HS2ST1: variants seen among roughly 807,000 people sequenced by gnomAD.
The protein encoded by HS2ST1 is 2-O-sulfotransferase.
Under a neutral mutation model 42.9 loss-of-function variants are expected in HS2ST1, and 18 were observed. The observed-to-expected ratio is 0.42, with a 90% CI of 0.29 to 0.62. HS2ST1 has a LOEUF of 0.62. HS2ST1 is among the 20% of genes least tolerant of loss of function. The pLI is 0.21. For missense variants in HS2ST1, 334 were observed against 433.8 expected (o/e 0.77, Z 2.04); for synonymous variants, 146 against 152.9 (o/e 0.95, Z 0.33).
At chr1:86,986,035 G>A (rs902755810) in intron 1 of HS2ST1, among the ~76,000 whole-genome samples, 1 of 113,318 alleles carries the variant, frequency 8.8e-6, no homozygotes, top group Non-Finnish European at 1.8e-5. Flanking sequence ...AATGAGCTTG[G>A]CCTCTTTTTT....
intron 1 of HS2ST1, among the ~76,000 whole-genome samples, chr1:87,053,919 T>C (rs1650895889): frequency 4.4e-5 from 1 of 22,984 alleles, no homozygotes; most frequent in Non-Finnish European, 1.0e-4. Flanking sequence ...TAAAATTCTC[T>C]TTTTTTTAAC....
chr1:86,997,153 C>G (rs1208629611), intron 1 of HS2ST1, among the ~76,000 whole-genome samples: 1 of 152,166 alleles, frequency 6.6e-6, no homozygotes, highest in Admixed American at 6.5e-5. Flanking sequence ...AGGAGTTTTA[C>G]ATGGCTAAGG....
chr1:86,924,851 C>G (rs1446472570), intron 1 of HS2ST1, among the ~76,000 whole-genome samples: 2 of 152,162 alleles, frequency 1.3e-5, no homozygotes, highest in Non-Finnish European at 2.9e-5. Flanking sequence ...GACATTTTCC[C>G]CATTGTCTAG....
At chr1:87,002,862 A>G (rs1344730395) in intron 1 of HS2ST1, among the ~76,000 whole-genome samples, 1 of 152,214 alleles carries the variant, frequency 6.6e-6, no homozygotes, top group East Asian at 1.9e-4. Context: ...TTAGTCTAGA[A>G]TGTAGATATG....
At chr1:87,083,446 T>C (rs893635245) in intron 2 of HS2ST1, among the ~76,000 whole-genome samples, 1 of 152,220 alleles carries the variant, frequency 6.6e-6, no homozygotes, top group Admixed American at 6.5e-5. Flanking sequence ...TTATCAAAAA[T>C]GTATACCATT....
chr1:86,994,945 CTT>C (rs541137015), intron 1 of HS2ST1, among the ~76,000 whole-genome samples: 98 of 152,046 alleles, frequency 6.4e-4, no homozygotes, highest in Non-Finnish European at 1.3e-3. Flanking sequence ...TGACAAAACT[CTT>C]TTTGTGGCAT....
intron 1 of HS2ST1, among the ~76,000 whole-genome samples, chr1:86,971,773 A>G (rs1648239527): frequency 6.6e-6 from 1 of 152,226 alleles, no homozygotes; most frequent in African/African-American, 2.4e-5. Context: ...TTGTGCAACA[A>G]GAGGTTATAA....
chr1:86,953,030 T>A (rs1044144254), intron 1 of HS2ST1, among the ~76,000 whole-genome samples: 1 of 152,216 alleles, frequency 6.6e-6, no homozygotes, highest in Non-Finnish European at 1.5e-5. Context: ...ATCTATAGTT[T>A]ATTGTAGCCA....
At chr1:86,940,709 G>C in intron 1 of HS2ST1, among the ~76,000 whole-genome samples, 1 of 152,230 alleles carries the variant, frequency 6.6e-6, no homozygotes, top group South Asian at 2.1e-4. Flanking sequence ...ACACACTGGC[G>C]ACTGGGCACA....
chr1:87,068,694 C>T (rs1170226693), intron 1 of HS2ST1, among the ~76,000 whole-genome samples: 1 of 152,104 alleles, frequency 6.6e-6, no homozygotes, highest in Non-Finnish European at 1.5e-5. Context: ...TACTGTTGGC[C>T]AGAAGCCTGG....
At chr1:86,945,688 C>A (rs964297065) in intron 1 of HS2ST1, among the ~76,000 whole-genome samples, 1 of 152,132 alleles carries the variant, frequency 6.6e-6, no homozygotes, top group African/African-American at 2.4e-5. Context: ...TATGAATATG[C>A]CAGGCATCGG....
intron 1 of HS2ST1, among the ~76,000 whole-genome samples, chr1:87,018,151 CACACACACACACAG>C (rs922081816): frequency 2.0e-5 from 3 of 151,204 alleles, no homozygotes; most frequent in African/African-American, 7.3e-5. Flanking sequence ...CACACACACA[CACACACACACACAG>C]ACACACACAC....
At chr1:87,056,630 C>T (rs773339047) in intron 1 of HS2ST1, among the ~76,000 whole-genome samples, 7 of 152,250 alleles carry the variant, frequency 4.6e-5, no homozygotes, top group African/African-American at 7.2e-5. Context: ...GTATCTGCCG[C>T]TATGAACATA....
chr1:87,041,225 T>TAAAA lies in HS2ST1; in HGVS notation c.125-31697_125-31694dup, dbSNP rs1174731806. On this transcript the variant is annotated intron_variant, in intron 1 of 6. Coordinates refer to ENST00000370550, the MANE Select transcript of HS2ST1 (RefSeq NM_012262.4). ...AAAAATAGCGAGACCTTGTCTCTACTAAAAAAAAAAAAAAACAAAAAAAAA... is the reference window on the plus strand; with the variant it reads ...AAAAATAGCGAGACCTTGTCTCTACTAAAAAAAAAAAAAAAAAAACAAAAAAAAA... Among the ~76,000 whole-genome samples, 7 of 24,874 alleles carry TAAAA rather than the reference T, an allele frequency of 2.8e-4. 2 individuals are homozygous for TAAAA. The highest frequency in any genetic ancestry group is 3.0e-3 in the East Asian group (2 of 668). The allele number at this position is 24,874 out of a possible 152,430, so 16.3% of individuals were successfully genotyped here.
chr1:87,086,584 A>G (rs1288650117), intron 3 of HS2ST1, among the ~76,000 whole-genome samples: 3 of 152,134 alleles, frequency 2.0e-5, no homozygotes, highest in Non-Finnish European at 4.4e-5. Flanking sequence ...CAAGAAACCT[A>G]GGAAATAAGA....
rs983421940 is a variant in HS2ST1 at position 86,985,429 on chromosome 1, T to C, written c.124+70269T>C. Among the ~76,000 whole-genome samples the C allele has an allele frequency of 2.2e-3, 110 of 50,740 alleles. 5 individuals are homozygous for C. The highest frequency in any genetic ancestry group is 0.011 in the Middle Eastern group (1 of 90). 33.3% of individuals were successfully genotyped at this position (50,740 alleles called of 152,430 possible). A position where few individuals can be genotyped will look rare whatever the true frequency, so the allele number is the denominator to read the frequency against. ...ATATACACATATATATACACATATA[T>C]ACACACATATATACACATATATACA... On this transcript the variant is annotated intron_variant, in intron 1 of 6. Coordinates refer to ENST00000370550, the MANE Select transcript of HS2ST1 (RefSeq NM_012262.4).
rs1652308002 is a variant in HS2ST1, at chr1:87,105,510, A to T, written c.*814A>T. ...AAAGCTGTAAACTGAGATATCGGTG[A>T]CTCCGTATTATGACTCCATTAGTGA... On this transcript the variant is annotated 3_prime_UTR_variant, in exon 7 of 7. Transcript: ENST00000370550. The T allele has an allele frequency of 6.6e-6, 1 of 152,200 alleles. No homozygotes were observed. The highest frequency in any genetic ancestry group is 2.1e-4 in the South Asian group (1 of 4,826). 9.4% of individuals were successfully genotyped at this position (152,200 alleles called of 1,614,324 possible). A position where few individuals can be genotyped will look rare whatever the true frequency, so the allele number is the denominator to read the frequency against.
intron 1 of HS2ST1, among the ~76,000 whole-genome samples, chr1:86,939,629 A>G (rs1660723368): frequency 1.3e-5 from 2 of 152,202 alleles, no homozygotes; most frequent in Non-Finnish European, 2.9e-5. Flanking sequence ...TGGAAGATTG[A>G]TTGATTGCCT....
intron 1 of HS2ST1, among the ~76,000 whole-genome samples, chr1:87,067,911 T>G (rs1311206807): frequency 1.3e-5 from 2 of 152,232 alleles, no homozygotes; most frequent in Non-Finnish European, 2.9e-5. Flanking sequence ...GCCTCTGTTC[T>G]GCTCCATTGG....
Sources: allele counts gnomAD v4.1 joint callset (sites outside exome capture counted in the v4.1 genomes callset), GRCh38; gene constraint gnomAD v4.1.1; transcripts MANE v1.5; gene names NCBI Gene and HGNC (gene_info 2026-07-23, HGNC 2026-07-21).